Variants in ARHGAP42 observed in about 807,000 individuals in gnomAD.
ARHGAP42 encodes the protein rho GTPase-activating protein 42.
Under a neutral mutation model 125.0 loss-of-function variants are expected in ARHGAP42, and 63 were observed. The observed-to-expected ratio is 0.50, with a 90% CI of 0.41 to 0.62. The LOEUF is 0.62. ARHGAP42 is among the 20% of genes least tolerant of loss of function. ARHGAP42 has a pLI of 0.00. For synonymous variants in ARHGAP42, 339 were observed against 351.0 expected (o/e 0.97, Z 0.38); for missense variants, 766 against 1,024.2 (o/e 0.75, Z 3.44).
rs1858338455 is a variant in ARHGAP42 at position 100,974,537 on chromosome 11, A to G, written c.1789A>G (p.Ile597Val). 4 of 1,551,048 alleles carry G rather than the reference A, an allele frequency of 2.6e-6. No homozygotes were observed. The highest frequency in any genetic ancestry group is 3.5e-6 in the Non-Finnish European group (4 of 1,146,702). ...SRSGSRRTRAICLSTGSRKPR... is the reference protein window; with the variant it reads ...SRSGSRRTRAVCLSTGSRKPR... The stretch of plus-strand genomic sequence containing the variant: ...ATCTGGATCCCGAAGGACACGAGCA[A>G]TCTGCCTCTCTACAGGGTCTAGGAA... The change falls in exon 19 of 24, where the codon ATC becomes GTC. Residue 597 changes from isoleucine (I) to valine (V), a missense_variant. Ile to Val is a conservative substitution (Grantham distance 29). This residue lies in a region of ARHGAP42 where 308 missense variants were observed against 369.7 expected (regional missense o/e 0.83). Coordinates refer to ENST00000298815, the MANE Select transcript of ARHGAP42 (RefSeq NM_152432.4).
chr11:100,749,828 T>A (rs545285366), intron 1 of ARHGAP42, among the ~76,000 whole-genome samples: 2 of 152,072 alleles, frequency 1.3e-5, no homozygotes, highest in Admixed American at 1.3e-4. Context: ...CCACACACAT[T>A]TAGCCCTCTA....
intron 1 of ARHGAP42, among the ~76,000 whole-genome samples, chr11:100,693,565 G>A (rs1861227994): frequency 6.6e-6 from 1 of 152,082 alleles, no homozygotes; most frequent in Non-Finnish European, 1.5e-5. Flanking sequence ...CTTAATAGGT[G>A]CCCTTTAACA....
At chr11:100,847,399 C>A (rs550389570) in intron 3 of ARHGAP42, among the ~76,000 whole-genome samples, 1 of 152,054 alleles carries the variant, frequency 6.6e-6, no homozygotes, top group Non-Finnish European at 1.5e-5. Flanking sequence ...GGCTTTCTCA[C>A]GTGGGAATGG....
intron 3 of ARHGAP42, among the ~76,000 whole-genome samples, chr11:100,831,411 AG>A (rs1232930311): frequency 6.6e-6 from 1 of 152,222 alleles, no homozygotes; most frequent in Non-Finnish European, 1.5e-5. Context: ...CTGACTTAAA[AG>A]GAGTCATCCA....
At chr11:100,953,202 C>T (rs1383358337) in intron 12 of ARHGAP42, among the ~76,000 whole-genome samples, 1 of 152,090 alleles carries the variant, frequency 6.6e-6, no homozygotes, top group Non-Finnish European at 1.5e-5. Context: ...TATGTAACTT[C>T]TCCTGTAACT....
intron 1 of ARHGAP42, among the ~76,000 whole-genome samples, chr11:100,689,999 A>T (rs2120162933): frequency 6.6e-6 from 1 of 152,220 alleles, no homozygotes; most frequent in Admixed American, 6.5e-5. Context: ...TGGTTCTATC[A>T]CTGGCTGCCC....
intron 1 of ARHGAP42, among the ~76,000 whole-genome samples, chr11:100,741,477 T>C (rs1443389791): frequency 6.6e-6 from 1 of 152,224 alleles, no homozygotes; most frequent in South Asian, 2.1e-4. Flanking sequence ...TGTTTCCTGT[T>C]AGTACCTGTC....
intron 3 of ARHGAP42, among the ~76,000 whole-genome samples, chr11:100,836,051 T>G (rs1248525548): frequency 6.6e-6 from 1 of 152,066 alleles, no homozygotes; most frequent in Non-Finnish European, 1.5e-5. Context: ...AAGTTCACAC[T>G]TAATAAAGAG....
intron 12 of ARHGAP42, among the ~76,000 whole-genome samples, chr11:100,957,765 A>T (rs972269042): frequency 5.9e-5 from 9 of 152,124 alleles, no homozygotes; most frequent in Non-Finnish European, 1.3e-4. Flanking sequence ...TCTCAGTAAG[A>T]TGTCATTCTA....
intron 4 of ARHGAP42, among the ~76,000 whole-genome samples, chr11:100,872,170 G>C (rs1865712610): frequency 2.0e-5 from 3 of 152,154 alleles, no homozygotes; most frequent in South Asian, 2.1e-4. Flanking sequence ...CCCCCAAAGA[G>C]TATCTGGATA....
At chr11:100,723,716 A>G (rs573458112) in intron 1 of ARHGAP42, among the ~76,000 whole-genome samples, 199 of 152,096 alleles carry the variant, frequency 1.3e-3, no homozygotes, top group African/African-American at 4.4e-3. Context: ...GTAAACAAAA[A>G]CTTTTTTTTT....
At chr11:100,924,566 C>G (rs1867367919) in intron 6 of ARHGAP42, among the ~76,000 whole-genome samples, 1 of 151,890 alleles carries the variant, frequency 6.6e-6, no homozygotes, top group Non-Finnish European at 1.5e-5. Context: ...ACTCGGGAAG[C>G]TGAGGCACGA....
chr11:100,961,310 G>A lies in ARHGAP42; in HGVS notation c.1300+321G>A, dbSNP rs191488878. Among the ~76,000 whole-genome samples the A allele has an allele frequency of 3.3e-5, 5 of 152,116 alleles. No homozygotes were observed. In the East Asian group the frequency reaches 9.7e-4, roughly 29 times the overall value. ...TGTGACCTTGAGTAATTTGCTTAAC[G>A]TCTTTGTGTCTCAGCCTCCTCATTT... On this transcript the variant is annotated intron_variant, in intron 14 of 23. Coordinates refer to ENST00000298815, the MANE Select transcript of ARHGAP42 (RefSeq NM_152432.4).
chr11:100,961,194 C>T (rs1857945146), intron 14 of ARHGAP42, among the ~76,000 whole-genome samples: 1 of 151,720 alleles, frequency 6.6e-6, no homozygotes, highest in Admixed American at 6.6e-5. Context: ...TTTTTTTTCC[C>T]CAAGTGTCCT....
rs149341634 is a variant in ARHGAP42, at chr11:100,752,420, G to A, written c.155-17923G>A. 1.1e-3 allele frequency among the ~76,000 whole-genome samples: 172 copies of A among 152,310 alleles called. 1 individual carries two copies. The highest frequency in any genetic ancestry group is 4.0e-3 in the African/African-American group (167 of 41,560). On this transcript the variant is annotated intron_variant, in intron 1 of 23. Transcript: ENST00000298815. ...GCCACTGCTGAAACTTCTCACCAGT[G>A]GTAAGATCTGGGACTCAAGGCTTGC...
intron 3 of ARHGAP42, among the ~76,000 whole-genome samples, chr11:100,804,752 T>C (rs1465933729): frequency 6.6e-6 from 1 of 152,010 alleles, no homozygotes; most frequent in East Asian, 1.9e-4. Context: ...GACCTCGTGA[T>C]CCACCCGCCT....
At chr11:100,769,270 A>C (rs1386341507) in intron 1 of ARHGAP42, among the ~76,000 whole-genome samples, 2 of 152,252 alleles carry the variant, frequency 1.3e-5, no homozygotes, top group African/African-American at 2.4e-5. Flanking sequence ...GGCCCAGAGG[A>C]GTTAAATAAT....
chr11:100,733,558 T>C (rs1257543978), intron 1 of ARHGAP42, among the ~76,000 whole-genome samples: 2 of 152,138 alleles, frequency 1.3e-5, no homozygotes, highest in African/African-American at 4.8e-5. Flanking sequence ...ATGCTGTGGC[T>C]CATGCCTGTA....
chr11:100,773,332 A>G (rs1863026760), intron 2 of ARHGAP42, among the ~76,000 whole-genome samples: 1 of 152,176 alleles, frequency 6.6e-6, no homozygotes, highest in Non-Finnish European at 1.5e-5. Context: ...ATACAATGAT[A>G]TATATAATTT....
Sources: gnomAD v4.1 joint callset for allele counts (sites outside exome capture counted in the v4.1 genomes callset) on GRCh38, gnomAD v4.1.1 for gene constraint, gnomAD v4.1.1 regional missense constraint, MANE v1.5 for transcripts, NCBI Gene and HGNC (gene_info 2026-07-23, HGNC 2026-07-21) for gene names.